Variants in ZBTB32 observed in about 807,000 individuals in gnomAD.
ZBTB32 encodes the protein zinc finger and BTB domain containing 32, also known as zinc finger and BTB domain-containing protein 32.
In ZBTB32, 28 loss-of-function variants were observed where a neutral mutation model predicts 45.3. The ratio of observed to expected loss-of-function variants is 0.62; its 90% CI spans 0.46 to 0.85. ZBTB32 has a LOEUF of 0.85. ZBTB32 is among the 40% of genes least tolerant of loss of function. The pLI is 0.00. For synonymous variants in ZBTB32, 283 were observed against 255.7 expected (o/e 1.11, Z -1.02); for missense variants, 587 against 624.4 (o/e 0.94, Z 0.64).
Position 35,711,455 on chromosome 19 carries a change from T to C in ZBTB32, c.-221-1462T>C, listed in dbSNP as rs970732135. 2.6e-5 allele frequency among the ~76,000 whole-genome samples: 4 copies of C among 152,166 alleles called. No homozygotes were observed. In the East Asian group the frequency reaches 7.7e-4, roughly 29 times the overall value. ...AATAGTTAACGTTCAGAGTAGCAGATGAACACAGCTCTCACATTTGCATTT... is the reference window on the plus strand; with the variant it reads ...AATAGTTAACGTTCAGAGTAGCAGACGAACACAGCTCTCACATTTGCATTT... On this transcript the variant is annotated intron_variant, in intron 1 of 6. Coordinates refer to ENST00000392197, the MANE Select transcript of ZBTB32 (RefSeq NM_014383.3).
In ZBTB32 at chr19:35,716,569, G is replaced by A. The variant is rs746102803; in HGVS notation, c.1281G>A (p.Pro427=). The A allele has an allele frequency of 1.2e-6, 2 of 1,613,256 alleles. No homozygotes were observed. The highest frequency in any genetic ancestry group is 3.3e-5 in the Admixed American group (2 of 60,024). Residue 427 remains proline (P), a synonymous_variant, in exon 7 of 7, where the codon CCG becomes CCA. Transcript: ENST00000392197. The stretch of plus-strand genomic sequence containing the variant: ...ACCTGCGGACACACGGGGCCGCTCC[G>A]TACCGCTGCTCCCTGTGCGGGGCCG... The part of the protein sequence containing the change: ...TKHLRTHGAA[P]YRCSLCGAGC...
chr19:35,714,992 A>C lies in ZBTB32; in HGVS notation c.366A>C (p.Pro122=). The change falls in exon 3 of 7, where the codon CCA becomes CCC. Residue 122 remains proline (P), a synonymous_variant. Coordinates refer to ENST00000392197, the MANE Select transcript of ZBTB32 (RefSeq NM_014383.3). ...GGGACAGGGCTAAAAAGCCAGATCC[A>C]GGCCTGAAGAAACATCAGGAGGAGC... ...ARGDRAKKPD[P]GLKKHQEEPE... is the part of the protein sequence containing the mutation. The C allele has an allele frequency of 6.2e-7, 1 of 1,607,712 alleles. No individual in the cohort carries two copies.
rs747890143 is a variant in ZBTB32 at position 35,714,950 on chromosome 19, A to G, written c.324A>G (p.Ala108=). ...RALGVQSLEE[A]CWRARGDRAK... The stretch of plus-strand genomic sequence containing the variant: ...TGGGAGTGCAGTCCCTGGAAGAGGC[A>G]TGCTGGAGGGCTCGAGGGGACAGGG... The change falls in exon 3 of 7, where the codon GCA becomes GCG. Residue 108 remains alanine, a synonymous_variant. Transcript: ENST00000392197. 1 of 1,587,742 alleles carries G rather than the reference A, an allele frequency of 6.3e-7. No homozygotes were observed. The highest frequency in any genetic ancestry group is 8.6e-7 in the Non-Finnish European group (1 of 1,167,200).
At position 35,715,290 on chromosome 19, in the gene ZBTB32, T is replaced by C; in HGVS notation, c.664T>C (p.Ser222Pro). The change falls in exon 3 of 7, where the codon TCT (serine) becomes CCT (proline). Residue 222 changes from serine (S) to proline (P), a missense_variant. Transcript: ENST00000392197. ...GTGGTTGAGGGAAAATCCAGGGGGC[T>C]CTGAGGAAAGTCTGCGCAAGCTCCC... Reference protein sequence around the residue: ...LTWLRENPGGSEESLRKLPGP... With the variant: ...LTWLRENPGGPEESLRKLPGP... 1 of 1,583,468 alleles carries C rather than the reference T, an allele frequency of 6.3e-7. No individual in the cohort carries two copies. Among genetic ancestry groups the C allele is most frequent in the Non-Finnish European group, 8.6e-7 (1 of 1,166,528 alleles).
chr19:35,715,519 G>A lies in ZBTB32; in HGVS notation c.881+12G>A, dbSNP rs778362808. 7 of 1,522,592 alleles carry A rather than the reference G, an allele frequency of 4.6e-6. No homozygotes were observed. In the East Asian group the frequency reaches 1.1e-4, roughly 25 times the overall value. 94.3% of individuals were successfully genotyped at this position (1,522,592 alleles called of 1,614,324 possible). On this transcript the variant is annotated intron_variant, in intron 3 of 6. Coordinates refer to ENST00000392197, the MANE Select transcript of ZBTB32 (RefSeq NM_014383.3). ...TGGCGGGAACAGAGGTGAGTGGCGG[G>A]GTCTAGTGCTCTGCCTCCAGGCTGG...
intron 1 of ZBTB32, among the ~76,000 whole-genome samples, chr19:35,709,472 C>T (rs1477414274): frequency 1.3e-5 from 2 of 152,168 alleles, no homozygotes; most frequent in African/African-American, 4.8e-5. Context: ...TCAAGAAGTT[C>T]ATGATACAAG....
intron 3 of ZBTB32, 105 bp downstream of exon 3, chr19:35,715,612 T>A: frequency 6.7e-7 from 1 of 1,486,642 alleles, no homozygotes; most frequent in Non-Finnish European, 9.0e-7. Context: ...GCACAGTTCC[T>A]GAGCTGGGGA....
rs1968624869 is a variant in ZBTB32 at position 35,709,238 on chromosome 19, G to A, written c.-221-3679G>A. On this transcript the variant is annotated intron_variant, in intron 1 of 6. Transcript: ENST00000392197. Reference sequence around the variant, plus strand: ...GGAAAGAGATGGGTTCACGGGAAGAGTGGCGAGTTCACAGAATTTTTCTAA... The same window carrying A: ...GGAAAGAGATGGGTTCACGGGAAGAATGGCGAGTTCACAGAATTTTTCTAA... Among the ~76,000 whole-genome samples the A allele has an allele frequency of 2.0e-5, 3 of 152,214 alleles. No individual in the cohort carries two copies. The South Asian group carries it at 6.2e-4, about 32-fold the overall frequency.
chr19:35,715,431 C>A lies in ZBTB32; in HGVS notation c.805C>A (p.Pro269Thr). 6.3e-7 allele frequency: 1 copy of A among 1,597,966 alleles called. No homozygotes were observed. The highest frequency in any genetic ancestry group is 8.5e-7 in the Non-Finnish European group (1 of 1,174,528). ...QPALWSILLM[P>T]PRYGIPFYHS... ...TGCCCTGTGGAGCATCCTGCTGATG[C>A]CGCCCAGATATGGCATTCCCTTCTA... Residue 269 changes from proline (P) to threonine (T), a missense_variant, in exon 3 of 7, where the codon CCG becomes ACG. Physicochemically the swap from Pro to Thr is conservative, Grantham distance 38. Transcript: ENST00000392197.
At chr19:35,716,404 G>A (rs1968900320) in intron 6 of ZBTB32, 74 bp from the exon 7 acceptor site, 3 of 1,585,422 alleles carry the variant, frequency 1.9e-6, no homozygotes, top group East Asian at 4.5e-5. Flanking sequence ...CCCGTGGCCC[G>A]ATCCACCCCT....
At position 35,716,697 on chromosome 19, in the gene ZBTB32, C is replaced by T. The variant is rs1228879781; in HGVS notation, c.1409C>T (p.Ser470Leu). ...TIRSTFLYSS[S>L]RPSRPSTSPC... is the part of the protein sequence containing the mutation. ...CGCTCCACCTTCCTCTACTCCTCCT[C>T]GAGGCCGTCTCGGCCCTCGACCTCT... Residue 470 changes from serine to leucine, a missense_variant, in exon 7 of 7, where the codon TCG (serine) becomes TTG (leucine). Transcript: ENST00000392197. 1 of 1,614,038 alleles carries T rather than the reference C, an allele frequency of 6.2e-7. No individual in the cohort carries two copies. Among genetic ancestry groups the T allele is most frequent in the South Asian group, 1.1e-5 (1 of 91,088 alleles).
intron 1 of ZBTB32, among the ~76,000 whole-genome samples, chr19:35,706,123 G>C (rs1968533715): frequency 6.6e-6 from 1 of 151,576 alleles, no homozygotes; most frequent in Middle Eastern, 3.4e-3. Flanking sequence ...AGCTACTAGG[G>C]AGGCTGAGGC....
chr19:35,715,542 T>TG (rs1968849065), intron 3 of ZBTB32, 35 bp downstream of exon 3: 3 of 1,512,382 alleles, frequency 2.0e-6, no homozygotes, highest in Non-Finnish European at 1.8e-6. Context: ...GCCTCCAGGC[T>TG]GGGAGGGCAT....
intron 1 of ZBTB32, among the ~76,000 whole-genome samples, chr19:35,705,331 A>T (rs1260808879): frequency 6.6e-6 from 1 of 151,644 alleles, no homozygotes; most frequent in African/African-American, 2.4e-5. Context: ...AAAAAAAATG[A>T]AAAGAAAAAA....
chr19:35,712,165 C>T (rs913909358), intron 1 of ZBTB32, among the ~76,000 whole-genome samples: 1 of 151,158 alleles, frequency 6.6e-6, no homozygotes, highest in African/African-American at 2.4e-5. Context: ...AGGCACATAT[C>T]ATAAATGCTT....
At chr19:35,715,648 G>T in intron 3 of ZBTB32, 109 bp from the exon 4 acceptor site, 1 of 1,472,796 alleles carries the variant, frequency 6.8e-7, no homozygotes, top group Non-Finnish European at 9.1e-7. Context: ...CTGCCACAGG[G>T]CACGCCAAAG....
rs750919316 is a variant in ZBTB32 at position 35,715,501 on chromosome 19, A to C, written c.875A>C (p.Glu292Ala). The C allele has an allele frequency of 2.6e-6, 4 of 1,539,028 alleles. No individual in the cohort carries two copies. Among genetic ancestry groups the C allele is most frequent in the Non-Finnish European group, 2.6e-6 (3 of 1,145,114 alleles). ...TTGAWQEVWREQRIPLSLNAP... is the reference protein window; with the variant it reads ...TTGAWQEVWRAQRIPLSLNAP... ...GGAGCCTGGCAGGAGGTCTGGCGGG[A>C]ACAGAGGTGAGTGGCGGGGTCTAGT... The change falls in exon 3 of 7, where the codon GAA becomes GCA. Residue 292 changes from glutamate (E) to alanine (A), a missense_variant. Physicochemically the swap from Glu to Ala is moderately radical, Grantham distance 107. Transcript: ENST00000392197.
rs373820815 is a variant in ZBTB32 at position 35,715,304 on chromosome 19, G to A, written c.678G>A (p.Leu226=). The change falls in exon 3 of 7, where the codon CTG becomes CTA. Residue 226 remains leucine, a synonymous_variant. Transcript: ENST00000392197. Reference sequence around the variant, plus strand: ...ATCCAGGGGGCTCTGAGGAAAGTCTGCGCAAGCTCCCTGGCCCCCTTCCCC... The same window carrying A: ...ATCCAGGGGGCTCTGAGGAAAGTCTACGCAAGCTCCCTGGCCCCCTTCCCC... ...RENPGGSEES[L]RKLPGPLPPA... 1.3e-4 allele frequency: 211 copies of A among 1,585,244 alleles called. No homozygotes were observed. The highest frequency in any genetic ancestry group is 1.7e-4 in the Non-Finnish European group (196 of 1,167,516).
At chr19:35,710,218 A>G (rs1968651513) in intron 1 of ZBTB32, among the ~76,000 whole-genome samples, 2 of 152,128 alleles carry the variant, frequency 1.3e-5, no homozygotes, top group African/African-American at 4.8e-5. Flanking sequence ...CTCAAAAAAA[A>G]AAAGAAAGTA....
Sources: allele counts gnomAD v4.1 joint callset (sites outside exome capture counted in the v4.1 genomes callset), GRCh38; gene constraint gnomAD v4.1.1; transcripts MANE v1.5; gene names NCBI Gene and HGNC (gene_info 2026-07-23, HGNC 2026-07-21).